The following ABTB1 variants were observed in gnomAD, a reference collection of about 807,000 sequenced individuals.
ABTB1 encodes the protein ankyrin repeat and BTB domain containing 1.
In ABTB1, 45 loss-of-function variants were observed where a neutral mutation model predicts 57.1. That is an observed-to-expected ratio of 0.79 (90% CI 0.62 to 1.01). ABTB1 has a LOEUF of 1.01. ABTB1 is among the 50% of genes least tolerant of loss of function. The pLI is 0.00. For synonymous variants in ABTB1, 302 were observed against 275.4 expected (o/e 1.10, Z -0.95); for missense variants, 630 against 666.3 (o/e 0.95, Z 0.60).
At chr3:127,673,131 A>G in intron 1 of ABTB1, 50 bp downstream of exon 1, 1 of 1,481,732 alleles carries the variant, frequency 6.7e-7, no homozygotes, top group South Asian at 1.3e-5. Context: ...CCGCCCTCGG[A>G]ACGCCTCGGG....
Position 127,680,643 on chromosome 3 carries a change from G to C in ABTB1, c.*168G>C. On this transcript the variant is annotated 3_prime_UTR_variant, in exon 12 of 12. Coordinates refer to ENST00000232744, the MANE Select transcript of ABTB1 (RefSeq NM_172027.3). ...CTCCATGAGCCTGGAGACCCCAGGG[G>C]AGGATCCATTTGGGATGAGCCCCCT... 1.1e-6 allele frequency: 1 copy of C among 899,750 alleles called. No homozygotes were observed. The highest frequency in any genetic ancestry group is 1.8e-6 in the Non-Finnish European group (1 of 557,644). The allele number at this position is 899,750 out of a possible 1,614,324, so 55.7% of individuals were successfully genotyped here.
chr3:127,676,103 C>T lies in ABTB1; in HGVS notation c.309C>T (p.Asp103=). The T allele has an allele frequency of 1.2e-6, 2 of 1,613,226 alleles. No individual in the cohort carries two copies. ...GCAGGAGGCGGGATTACTATGACGA[C>T]TTCTTGCAGCGGTGAGCCAGGGCAC... ...ASCRRRDYYD[D]FLQRLLEQGI... is the part of the protein sequence containing the mutation. The change falls in exon 4 of 12, where the codon GAC becomes GAT. Residue 103 remains aspartate (D), a synonymous_variant. Transcript: ENST00000232744. The surrounding 1 kb of genome is among the most constrained non-coding windows in gnomAD (Gnocchi z 5.4).
chr3:127,675,025 G>T lies in ABTB1; in HGVS notation c.175+425G>T, dbSNP rs547769601. ...CTCATTCCTTCGGCTCTCCCTGCTT[G>T]CTTGCTGCTTGCTTGCTGCTACACT... is the stretch of plus-strand genomic sequence containing the variant. On this transcript the variant is annotated intron_variant, in intron 3 of 11. Coordinates refer to ENST00000232744, the MANE Select transcript of ABTB1 (RefSeq NM_172027.3). Among the ~76,000 whole-genome samples, 7 of 110,220 alleles carry T rather than the reference G, an allele frequency of 6.4e-5. No homozygotes were observed. The East Asian group carries it at 1.4e-3, about 22-fold the overall frequency. The allele number at this position is 110,220 out of a possible 152,430, so 72.3% of individuals were successfully genotyped here.
intron 1 of ABTB1, chr3:127,673,582 G>T: frequency 6.5e-6 from 1 of 152,788 alleles, no homozygotes; most frequent in Non-Finnish European, 1.5e-5. Flanking sequence ...CCCTCCATGG[G>T]CCGGACGCGG....
Position 127,673,072 on chromosome 3 carries a change from G to A in ABTB1, c.47G>A (p.Gly16Asp). Residue 16 changes from glycine to aspartate, a missense_variant, in exon 1 of 12, where the codon GGC becomes GAC. Physicochemically the swap from Gly to Asp is moderately conservative, Grantham distance 94 (BLOSUM62 -1). Around this residue, in one of 3 missense-constraint regions of ABTB1, gnomAD observed 579 missense variants for 585.9 expected, o/e 0.99. Transcript: ENST00000232744. Reference protein sequence around the residue: ...LFASCRKGDVGRVRYLLEQRD... With the variant: ...LFASCRKGDVDRVRYLLEQRD... ...GCCAGCTGCAGGAAGGGGGATGTGG[G>A]CCGAGTGCGGTGAGGACCTCGCAGT... The A allele has an allele frequency of 6.4e-7, 1 of 1,572,704 alleles. No homozygotes were observed. The highest frequency in any genetic ancestry group is 8.6e-7 in the Non-Finnish European group (1 of 1,159,538).
chr3:127,675,939 C>T, intron 3 of ABTB1, 31 bp from the exon 4 acceptor site: 2 of 1,591,070 alleles, frequency 1.3e-6, no homozygotes, highest in Non-Finnish European at 1.7e-6. Context: ...AGGCCCCTTC[C>T]CTGCTAACTG....
intron 10 of ABTB1, 101 bp downstream of exon 10, chr3:127,677,944 C>T: frequency 7.0e-7 from 1 of 1,431,364 alleles, no homozygotes; most frequent in Non-Finnish European, 9.3e-7. Context: ...GCCCAGCTGG[C>T]CCCATGGTTG....
chr3:127,676,222 T>C lies in ABTB1; in HGVS notation c.321-50T>C. 1 of 1,604,686 alleles carries C rather than the reference T, an allele frequency of 6.2e-7. No individual in the cohort carries two copies. The highest frequency in any genetic ancestry group is 1.3e-5 in the African/African-American group (1 of 74,892). ...ACTGGGTTCTGAGTGCTCCGAGGAATGGGGTGGGGCTGTGCCAAGTATCCT... is the reference window on the plus strand; with the variant it reads ...ACTGGGTTCTGAGTGCTCCGAGGAACGGGGTGGGGCTGTGCCAAGTATCCT... On this transcript the variant is annotated intron_variant, in intron 4 of 11. Coordinates refer to ENST00000232744, the MANE Select transcript of ABTB1 (RefSeq NM_172027.3). The surrounding 1 kb of genome is among the most constrained non-coding windows in gnomAD (Gnocchi z 5.4).
Position 127,676,593 on chromosome 3 carries a change from GGT to G in ABTB1, c.526+13_526+14del. 3 of 1,613,492 alleles carry G rather than the reference GGT, an allele frequency of 1.9e-6. No homozygotes were observed. On this transcript the variant is annotated intron_variant, in intron 6 of 11. Coordinates refer to ENST00000232744, the MANE Select transcript of ABTB1 (RefSeq NM_172027.3). This position sits in a 1 kb window ranked among gnomAD's most constrained non-coding sequence, Gnocchi z 5.4. ...GTACCTGTACACAGGTGACCCCCTG[GGT>G]CCAGGGTAGGAGGAGAGGGAGTGGG... is the stretch of plus-strand genomic sequence containing the variant.
chr3:127,673,251 C>T (rs2074891412), intron 1 of ABTB1, 170 bp downstream of exon 1: 1 of 588,420 alleles, frequency 1.7e-6, no homozygotes, highest in African/African-American at 2.0e-5. Flanking sequence ...CGCAGCCCCC[C>T]AGCGGAAGCG....
At position 127,676,553 on chromosome 3, in the gene ABTB1, T is replaced by C. The variant is rs1347938078; in HGVS notation, c.498T>C (p.Phe166=). ...LRHPLINPVA[F]GALLQYLYTG... ...GCCCACAGATCAACCCCGTGGCCTT[T>C]GGGGCCCTGCTGCAGTACCTGTACA... The change falls in exon 6 of 12, where the codon TTT becomes TTC. Residue 166 remains phenylalanine (F), a synonymous_variant. Transcript: ENST00000232744. This position sits in a 1 kb window ranked among gnomAD's most constrained non-coding sequence, Gnocchi z 5.4. 1.2e-6 allele frequency: 2 copies of C among 1,614,078 alleles called. No individual in the cohort carries two copies. The highest frequency in any genetic ancestry group is 3.3e-5 in the Admixed American group (2 of 60,020).
In ABTB1 at chr3:127,677,514, G is replaced by C. The variant is rs745340979; in HGVS notation, c.812G>C (p.Cys271Ser). The C allele has an allele frequency of 4.1e-5, 66 of 1,613,960 alleles. No individual in the cohort carries two copies. In the Admixed American group the frequency reaches 1.1e-3, roughly 27 times the overall value. ...CCTTGTCCTGACGGCTTCAACAGCT[G>C]CCCTGACATCTGCTTCCGAGTGGCT... ...PFPCPDGFNSCPDICFRVAGC... is the reference protein window; with the variant it reads ...PFPCPDGFNSSPDICFRVAGC... Residue 271 changes from cysteine to serine, a missense_variant, in exon 9 of 12, where the codon TGC becomes TCC. Physicochemically the swap from Cys to Ser is moderately radical, Grantham distance 112. Transcript: ENST00000232744.
chr3:127,679,519 G>A (rs1011211169), intron 10 of ABTB1: 8 of 457,310 alleles, frequency 1.7e-5, no homozygotes, highest in Non-Finnish European at 3.1e-5. Flanking sequence ...CCCACCCCTG[G>A]CAGAGTCCCT....
intron 1 of ABTB1, chr3:127,674,122 T>G (rs1182622954): frequency 2.0e-6 from 1 of 510,074 alleles, no homozygotes; most frequent in African/African-American, 1.9e-5. Flanking sequence ...AGGTCCAGCC[T>G]CGGCACTGGC....
chr3:127,673,184 T>A, intron 1 of ABTB1, 103 bp downstream of exon 1: 1 of 1,253,080 alleles, frequency 8.0e-7, no homozygotes, highest in Non-Finnish European at 1.0e-6. Flanking sequence ...GGCGGGCGCC[T>A]CTGCCGGGTC....
intron 3 of ABTB1, 151 bp from the exon 4 acceptor site, chr3:127,675,819 G>C (rs1444936728): frequency 5.0e-6 from 5 of 1,006,206 alleles, no homozygotes; most frequent in African/African-American, 1.6e-5. Context: ...GACTGGGAGG[G>C]TGTTGGGGTC....
In ABTB1 at chr3:127,674,413, G is replaced by A. The variant is rs760876224; in HGVS notation, c.79G>A (p.Val27Met). 22 of 1,611,702 alleles carry A rather than the reference G, an allele frequency of 1.4e-5. No individual in the cohort carries two copies. The highest frequency in any genetic ancestry group is 4.5e-5 in the East Asian group (2 of 44,812). Residue 27 changes from valine to methionine, a missense_variant, in exon 2 of 12, where the codon GTG becomes ATG. By Grantham distance (21) the Val-to-Met change is conservative. Around this residue, in one of 3 missense-constraint regions of ABTB1, gnomAD observed 579 missense variants for 585.9 expected, o/e 0.99. Transcript: ENST00000232744. ...CAGGTACCTGCTGGAGCAGCGAGAC[G>A]TGGAGGTGAATGTGCGGGACAAGTG... The part of the protein sequence containing the change: ...RVRYLLEQRD[V>M]EVNVRDKWDS...
At position 127,676,932 on chromosome 3, in the gene ABTB1, G is replaced by GGGA; in HGVS notation, c.527-35_527-34insGGA. 1 of 1,597,612 alleles carries GGGA rather than the reference G, an allele frequency of 6.3e-7. No individual in the cohort carries two copies. Among genetic ancestry groups the GGGA allele is most frequent in the Non-Finnish European group, 8.6e-7 (1 of 1,167,264 alleles). On this transcript the variant is annotated intron_variant, in intron 6 of 11. Transcript: ENST00000232744. The surrounding 1 kb of genome is among the most constrained non-coding windows in gnomAD (Gnocchi z 5.4). ...TTCTGTGGGCCTGATGACAGCTGAG[G>GGGA]TCCCGCAGGCCCTCATCCTCCCCAC...
At chr3:127,674,742 C>A in intron 3 of ABTB1, 142 bp downstream of exon 3, 1 of 1,014,418 alleles carries the variant, frequency 9.9e-7, no homozygotes, top group South Asian at 1.4e-5. Context: ...CCAGTCGAAT[C>A]AGCAAGTACT....
Sources: gnomAD v4.1 joint callset for allele counts (sites outside exome capture counted in the v4.1 genomes callset) on GRCh38, gnomAD v4.1.1 for gene constraint, gnomAD v4.1.1 regional missense constraint, Gnocchi (gnomAD v3.1) non-coding constraint, MANE v1.5 for transcripts, NCBI Gene and HGNC (gene_info 2026-07-23, HGNC 2026-07-21) for gene names.